Variants in SPA17 observed in about 807,000 individuals in gnomAD.
The protein encoded by SPA17 is sperm autoantigenic protein 17.
A neutral mutation model predicts 13.8 loss-of-function variants in SPA17; 7 were observed. That is an observed-to-expected ratio of 0.51 (90% CI 0.29 to 0.95). The LOEUF (loss-of-function observed/expected upper bound fraction) is 0.95. Ranked by LOEUF, SPA17 falls within the 40% of genes least tolerant of loss-of-function variation. The pLI is 0.08. For missense variants in SPA17, 170 were observed against 179.3 expected, an observed-to-expected ratio of 0.95 and a Z score of 0.30; for synonymous variants, 61 against 59.0, an observed-to-expected ratio of 1.03 and a Z score of -0.16.
intron 2 of SPA17, among the ~76,000 whole-genome samples, chr11:124,677,404 G>C (rs1004193137): frequency 6.6e-6 from 1 of 152,070 alleles, no homozygotes; most frequent in African/African-American, 2.4e-5. Context: ...CAGGTCACTA[G>C]GAAAAAGGTG....
intron 2 of SPA17, among the ~76,000 whole-genome samples, chr11:124,678,516 C>CTCTGTGTG (rs990471654): frequency 8.9e-4 from 128 of 143,360 alleles, no homozygotes; most frequent in African/African-American, 3.2e-3. Context: ...GAATACATAA[C>CTCTGTGTG]TGTGTGTGTG....
intron 4 of SPA17, 25 bp downstream of exon 4, chr11:124,691,807 T>G: frequency 6.7e-7 from 1 of 1,488,810 alleles, no homozygotes; most frequent in Non-Finnish European, 9.3e-7. Context: ...TCATGTACTA[T>G]TGGATTCCTA....
chr11:124,692,037 T>C (rs1343509668), intron 4 of SPA17, among the ~76,000 whole-genome samples: 1 of 152,170 alleles, frequency 6.6e-6, no homozygotes, highest in Non-Finnish European at 1.5e-5. Flanking sequence ...AATCTCCCTA[T>C]GGGGAAGGGC....
At chr11:124,689,108 G>A (rs12282085) in intron 3 of SPA17, among the ~76,000 whole-genome samples, 2,884 of 152,134 alleles carry the variant, frequency 0.019, 72 homozygotes, top group African/African-American at 0.059. Context: ...TTGGAGAGCC[G>A]TATGTAGAAA....
intron 3 of SPA17, 86 bp from the exon 4 acceptor site, chr11:124,691,610 A>C (rs1943623722): frequency 1.5e-6 from 1 of 653,200 alleles, no homozygotes; most frequent in South Asian, 3.3e-5. Flanking sequence ...AATTTAAAGT[A>C]ATGTTTCATT....
At chr11:124,694,010 A>T (rs930589792) in intron 4 of SPA17, among the ~76,000 whole-genome samples, 1 of 152,112 alleles carries the variant, frequency 6.6e-6, no homozygotes, top group African/African-American at 2.4e-5. Flanking sequence ...CCAACCCCCC[A>T]AAAAATGTTG....
intron 2 of SPA17, among the ~76,000 whole-genome samples, chr11:124,680,506 T>C (rs934495721): frequency 6.6e-6 from 1 of 152,140 alleles, no homozygotes; most frequent in African/African-American, 2.4e-5. Context: ...TAAAAGAAAT[T>C]TAAAAGACAT....
chr11:124,694,426 G>A lies in SPA17; in HGVS notation c.436G>A (p.Glu146Lys). 6.2e-7 allele frequency: 1 copy of A among 1,610,336 alleles called. No individual in the cohort carries two copies. The highest frequency in any genetic ancestry group is 8.5e-7 in the Non-Finnish European group (1 of 1,178,842). ...KMKTNSLQNE[E>K]KEENK ...GAAAACAAATAGTCTTCAAAATGAG[G>A]AAAAAGAGGAAAACAAGTGAGGACA... Residue 146 changes from glutamate to lysine, a missense_variant, in exon 5 of 5, where the codon GAA becomes AAA. Physicochemically the swap from Glu to Lys is moderately conservative, Grantham distance 56. Coordinates refer to ENST00000227135, the MANE Select transcript of SPA17 (RefSeq NM_017425.4).
intron 3 of SPA17, among the ~76,000 whole-genome samples, chr11:124,682,454 G>A (rs1366038608): frequency 6.6e-6 from 1 of 151,878 alleles, no homozygotes; most frequent in Non-Finnish European, 1.5e-5. Flanking sequence ...TGGTCAGTGA[G>A]GTGCAAGAGA....
chr11:124,688,125 C>T (rs1400163807), intron 3 of SPA17, among the ~76,000 whole-genome samples: 2 of 152,160 alleles, frequency 1.3e-5, no homozygotes, highest in African/African-American at 2.4e-5. Context: ...GGGAATCTCC[C>T]ATCTTATCCT....
chr11:124,674,141 C>A, intron 1 of SPA17, 189 bp downstream of exon 1: 1 of 203,418 alleles, frequency 4.9e-6, no homozygotes, highest in Non-Finnish European at 1.0e-5. Context: ...CCGTCTGCCC[C>A]CTCCGCCCGC....
intron 3 of SPA17, among the ~76,000 whole-genome samples, chr11:124,690,338 T>C (rs1943613737): frequency 1.3e-5 from 2 of 152,332 alleles, no homozygotes; most frequent in South Asian, 4.1e-4. Flanking sequence ...AGGAGGCCAT[T>C]ATCTTAAGTG....
intron 3 of SPA17, among the ~76,000 whole-genome samples, chr11:124,690,256 T>C (rs1331152368): frequency 6.6e-6 from 1 of 152,226 alleles, no homozygotes; most frequent in African/African-American, 2.4e-5. Flanking sequence ...ATGTGGGATG[T>C]ATACACAATG....
intron 2 of SPA17, among the ~76,000 whole-genome samples, chr11:124,681,182 G>T (rs1943525690): frequency 6.6e-6 from 1 of 152,002 alleles, no homozygotes; most frequent in Non-Finnish European, 1.5e-5. Context: ...TATCCCCAAA[G>T]GCTCATCCAA....
rs189213145 is a variant in SPA17 at position 124,678,695 on chromosome 11, G to A, written c.155-2694G>A. 4.6e-5 allele frequency among the ~76,000 whole-genome samples: 7 copies of A among 152,174 alleles called. No individual in the cohort carries two copies. In the East Asian group the frequency reaches 1.4e-3, roughly 29 times the overall value. ...CCAAGTAGTTGGGAACTACAGGCAT[G>A]CACAAACACGCTGGGCTAATTTTTG... On this transcript the variant is annotated intron_variant, in intron 2 of 4. Transcript: ENST00000227135.
intron 2 of SPA17, among the ~76,000 whole-genome samples, chr11:124,680,067 G>A (rs114612042): frequency 0.012 from 1,817 of 152,172 alleles, 38 homozygotes; most frequent in African/African-American, 0.04. Flanking sequence ...ACTGTTCTTC[G>A]GAGTAACCAA....
Position 124,694,327 on chromosome 11 carries a change from A to G in SPA17, c.337A>G (p.Lys113Glu). The G allele has an allele frequency of 1.9e-6, 3 of 1,613,944 alleles. No homozygotes were observed. Among genetic ancestry groups the G allele is most frequent in the Non-Finnish European group, 2.5e-6 (3 of 1,179,972 alleles). The change falls in exon 5 of 5, where the codon AAA (lysine) becomes GAA (glutamate). Residue 113 changes from lysine (K) to glutamate (E), a missense_variant. Transcript: ENST00000227135. The stretch of plus-strand genomic sequence containing the variant: ...GGACTCTTCTGAGGAAGATAAGGAA[A>G]AAGAAGAGGTTGCTGCTGTCAAAAT... ...ILDSSEEDKE[K>E]EEVAAVKIQA...
At chr11:124,690,805 A>G (rs1409702330) in intron 3 of SPA17, among the ~76,000 whole-genome samples, 1 of 152,192 alleles carries the variant, frequency 6.6e-6, no homozygotes, top group Admixed American at 6.5e-5. Context: ...AAGAATTAAC[A>G]AAGTTCAAGT....
At chr11:124,684,766 G>A (rs1943561878) in intron 3 of SPA17, among the ~76,000 whole-genome samples, 1 of 152,192 alleles carries the variant, frequency 6.6e-6, no homozygotes, top group South Asian at 2.1e-4. Context: ...CAAAGTCCAG[G>A]CTAAGGTGGT....
Sources: allele counts gnomAD v4.1 joint callset (sites outside exome capture counted in the v4.1 genomes callset), GRCh38; gene constraint gnomAD v4.1.1; transcripts MANE v1.5; gene names NCBI Gene and HGNC (gene_info 2026-07-23, HGNC 2026-07-21).